Variants in DYNC1I1 observed in about 807,000 individuals in gnomAD.
DYNC1I1 encodes the protein dynein cytoplasmic 1 intermediate chain 1.
DYNC1I1 carries 43 observed loss-of-function variants against 86.6 expected under a neutral mutation model. That is an observed-to-expected ratio of 0.50 (90% CI 0.39 to 0.64). The LOEUF is 0.64. DYNC1I1 is among the 30% of genes least tolerant of loss of function. The probability of loss-of-function intolerance (pLI) is 0.00; values close to 1 mark genes in which losing one functional copy is unlikely to be tolerated. For missense variants in DYNC1I1, 604 were observed against 788.8 expected, an observed-to-expected ratio of 0.77 and a Z score of 2.81; for synonymous variants, 262 against 283.7, an observed-to-expected ratio of 0.92 and a Z score of 0.77.
chr7:95,944,456 G>T (rs911790276), intron 6 of DYNC1I1, among the ~76,000 whole-genome samples: 3 of 152,244 alleles, frequency 2.0e-5, no homozygotes, highest in African/African-American at 7.2e-5. Context: ...CATTGTGGAA[G>T]TCAGTGTGGC....
chr7:95,892,601 G>A (rs1282367158), intron 6 of DYNC1I1, among the ~76,000 whole-genome samples: 5 of 152,026 alleles, frequency 3.3e-5, no homozygotes, highest in African/African-American at 4.8e-5. Flanking sequence ...GTAAGCCACC[G>A]TGCCTGACCT....
rs145694237 is a variant in DYNC1I1, at chr7:96,080,480, G to A, written c.1768G>A (p.Val590Ile). 1.9e-4 allele frequency: 311 copies of A among 1,614,202 alleles called. No individual in the cohort carries two copies. In the African/African-American group the frequency reaches 2.0e-3, roughly 10 times the overall value. ...GGAAGGCCGTATTTGGGTCTATGACGTTGGAGAGGTACGTGTGTATTTGTG... is the reference window on the plus strand; with the variant it reads ...GGAAGGCCGTATTTGGGTCTATGACATTGGAGAGGTACGTGTGTATTTGTG... ...DSEGRIWVYD[V>I]GELAVPHNDE... is the part of the protein sequence containing the mutation. The change falls in exon 16 of 17, where the codon GTT (valine) becomes ATT (isoleucine). Residue 590 changes from valine to isoleucine, a missense_variant. By Grantham distance (29) the Val-to-Ile change is conservative. Transcript: ENST00000447467.
intron 14 of DYNC1I1, among the ~76,000 whole-genome samples, chr7:96,045,160 A>G (rs940200921): frequency 1.3e-5 from 2 of 152,240 alleles, no homozygotes; most frequent in African/African-American, 2.4e-5. Context: ...GGATGCCCCT[A>G]TAAGATCAAA....
chr7:95,817,552 C>T (rs1226039778), intron 4 of DYNC1I1, among the ~76,000 whole-genome samples: 1 of 152,134 alleles, frequency 6.6e-6, no homozygotes, highest in Non-Finnish European at 1.5e-5. Flanking sequence ...ATAATTTTTT[C>T]ATATTTTAAT....
chr7:95,833,467 C>T (rs1161406678), intron 5 of DYNC1I1, among the ~76,000 whole-genome samples: 3 of 145,074 alleles, frequency 2.1e-5, no homozygotes, highest in African/African-American at 7.6e-5. Context: ...TTTTTTGGTT[C>T]CATATGAACT....
At chr7:95,872,158 T>A (rs1270729862) in intron 6 of DYNC1I1, among the ~76,000 whole-genome samples, 2 of 152,178 alleles carry the variant, frequency 1.3e-5, no homozygotes, top group African/African-American at 4.8e-5. Context: ...GGCACTGAGG[T>A]TCTACCATGC....
intron 1 of DYNC1I1, among the ~76,000 whole-genome samples, chr7:95,797,193 T>C (rs2618968): frequency 0.023 from 3,526 of 152,192 alleles, 137 homozygotes; most frequent in African/African-American, 0.081. Context: ...GTACAGTAAT[T>C]TGAATTGTGA....
chr7:96,001,906 A>T (rs1794021313), intron 10 of DYNC1I1, among the ~76,000 whole-genome samples: 1 of 152,230 alleles, frequency 6.6e-6, no homozygotes, highest in African/African-American at 2.4e-5. Context: ...TTGCTTTGAA[A>T]TGATAAAAGT....
intron 5 of DYNC1I1, among the ~76,000 whole-genome samples, chr7:95,863,574 C>T (rs1208297551): frequency 3.3e-5 from 5 of 152,196 alleles, no homozygotes; most frequent in South Asian, 2.1e-4. Context: ...GCTGCTTCTC[C>T]GTGCCTTTCA....
At chr7:95,785,696 T>A (rs987351580) in intron 1 of DYNC1I1, among the ~76,000 whole-genome samples, 4 of 149,508 alleles carry the variant, frequency 2.7e-5, no homozygotes, top group Non-Finnish European at 5.9e-5. Flanking sequence ...TCATTGCAAC[T>A]TTATATATAT....
At chr7:96,040,191 G>A (rs867304162) in intron 14 of DYNC1I1, among the ~76,000 whole-genome samples, 5 of 151,970 alleles carry the variant, frequency 3.3e-5, no homozygotes, top group South Asian at 2.1e-4. Flanking sequence ...CCGAGATTGG[G>A]CCACTGCATT....
At chr7:95,799,477 A>G (rs375353864) in intron 1 of DYNC1I1, among the ~76,000 whole-genome samples, 1 of 152,092 alleles carries the variant, frequency 6.6e-6, no homozygotes, top group Non-Finnish European at 1.5e-5. Flanking sequence ...AGAAGAAACC[A>G]TGTCTTCATA....
chr7:96,064,559 A>G (rs999787675), intron 14 of DYNC1I1, among the ~76,000 whole-genome samples: 1 of 152,200 alleles, frequency 6.6e-6, no homozygotes, highest in African/African-American at 2.4e-5. Context: ...GACCTTCATC[A>G]GAGGTTACAT....
At chr7:95,950,625 G>A (rs905341281) in intron 6 of DYNC1I1, among the ~76,000 whole-genome samples, 7 of 152,060 alleles carry the variant, frequency 4.6e-5, no homozygotes, top group African/African-American at 1.7e-4. Flanking sequence ...GGCAGAATTC[G>A]GTAAAACTGA....
At chr7:96,076,317 G>A in intron 15 of DYNC1I1, 120 bp downstream of exon 15, 1 of 1,395,098 alleles carries the variant, frequency 7.2e-7, no homozygotes, top group Non-Finnish European at 9.5e-7. Context: ...AACTGCAGCA[G>A]GGCTGCCGGC....
intron 10 of DYNC1I1, among the ~76,000 whole-genome samples, chr7:96,021,058 T>C (rs77761554): frequency 0.012 from 1,815 of 152,232 alleles, 28 homozygotes; most frequent in African/African-American, 0.041. Flanking sequence ...CAAGTTTCAA[T>C]TGGAGAAGAT....
intron 10 of DYNC1I1, among the ~76,000 whole-genome samples, chr7:96,010,749 T>C (rs1180021555): frequency 6.6e-6 from 1 of 152,214 alleles, no homozygotes; most frequent in Non-Finnish European, 1.5e-5. Flanking sequence ...CATACATATT[T>C]TTGTTGTTGT....
chr7:96,108,598 T>C (rs994907307), intron 16 of DYNC1I1, among the ~76,000 whole-genome samples: 1 of 152,144 alleles, frequency 6.6e-6, no homozygotes, highest in Admixed American at 6.5e-5. Flanking sequence ...GCGCGGTGGC[T>C]CACACCTGTA....
chr7:95,828,047 G>A lies in DYNC1I1; in HGVS notation c.315-10G>A, dbSNP rs1451168211. 1.2e-6 allele frequency: 2 copies of A among 1,613,440 alleles called. No individual in the cohort carries two copies. Among genetic ancestry groups the A allele is most frequent in the South Asian group, 1.1e-5 (1 of 91,028 alleles). On this transcript the variant is annotated splice_polypyrimidine_tract_variant and intron_variant, in intron 4 of 16. Coordinates refer to ENST00000447467, the MANE Select transcript of DYNC1I1 (RefSeq NM_001135556.2). ...CTCTGTGTTCTTTTTCCTTTGTGCT[G>A]CACAATTAGGACCCTGCAGTGGGAC... is the stretch of plus-strand genomic sequence containing the variant.
Sources: allele counts gnomAD v4.1 joint callset (sites outside exome capture counted in the v4.1 genomes callset), GRCh38; gene constraint gnomAD v4.1.1; transcripts MANE v1.5; gene names NCBI Gene and HGNC (gene_info 2026-07-23, HGNC 2026-07-21).